MYO1D: variants seen among roughly 807,000 people sequenced by gnomAD.
MYO1D encodes unconventional myosin-Id.
MYO1D carries 83 observed loss-of-function variants against 122.0 expected under a neutral mutation model. The observed-to-expected ratio is 0.68, with a 90% CI of 0.57 to 0.82. The LOEUF (loss-of-function observed/expected upper bound fraction) is 0.82. Among genes scored for constraint, MYO1D ranks in the 40% least tolerant of loss-of-function variants. MYO1D has a pLI of 0.00. For missense variants in MYO1D, 1,157 were observed against 1,269.5 expected (o/e 0.91, Z 1.35); for synonymous variants, 464 against 446.9 (o/e 1.04, Z -0.48).
intron 21 of MYO1D, among the ~76,000 whole-genome samples, chr17:32,527,084 A>G (rs1458942054): frequency 6.6e-6 from 1 of 152,222 alleles, no homozygotes; most frequent in East Asian, 1.9e-4. Context: ...CACTTTTCGT[A>G]AGACCACAGT....
In MYO1D at chr17:32,780,715, C is replaced by T; in HGVS notation, c.165G>A (p.Leu55=). ...VVVSVNPYKL[L]NIYGRDTIEQ... ...CAATTGTGTCTCTTCCATAGATGTT[C>T]AACAACTTGTAAGGGTTCACAGAAA... Residue 55 remains leucine, a synonymous_variant, in exon 2 of 22, where the codon TTG becomes TTA. Coordinates refer to ENST00000318217, the MANE Select transcript of MYO1D (RefSeq NM_015194.3). 1 of 1,614,104 alleles carries T rather than the reference C, an allele frequency of 6.2e-7. No individual in the cohort carries two copies. The highest frequency in any genetic ancestry group is 1.3e-5 in the African/African-American group (1 of 75,002).
chr17:32,694,791 T>C (rs552537829), intron 16 of MYO1D, among the ~76,000 whole-genome samples: 1 of 151,312 alleles, frequency 6.6e-6, no homozygotes, highest in Admixed American at 6.6e-5. Flanking sequence ...TGGTCATCTC[T>C]ACTTGAATGC....
At chr17:32,646,074 G>C (rs1169706756) in intron 19 of MYO1D, among the ~76,000 whole-genome samples, 2 of 152,106 alleles carry the variant, frequency 1.3e-5, no homozygotes, top group Non-Finnish European at 2.9e-5. Context: ...CGTACAGATG[G>C]GGTTTTGGTG....
At position 32,742,320 on chromosome 17, in the gene MYO1D, G is replaced by A. The variant is rs549436073; in HGVS notation, c.1613+2891C>T. On this transcript the variant is annotated intron_variant, in intron 13 of 21. Coordinates refer to ENST00000318217, the MANE Select transcript of MYO1D (RefSeq NM_015194.3). ...GGAATTAATCCCCCATGGATACTTC[G>A]GGACAACTGTATTCCATTCCATGTT... Among the ~76,000 whole-genome samples the A allele has an allele frequency of 9.9e-5, 15 of 152,234 alleles. No individual in the cohort carries two copies. The South Asian group carries it at 1.0e-3, about 11-fold the overall frequency.
chr17:32,528,166 C>T (rs555776905), intron 21 of MYO1D, among the ~76,000 whole-genome samples: 3 of 152,320 alleles, frequency 2.0e-5, no homozygotes, highest in African/African-American at 7.2e-5. Context: ...TAAAATTGGC[C>T]CATTTGGGTT....
At chr17:32,527,955 C>G (rs1164718112) in intron 21 of MYO1D, among the ~76,000 whole-genome samples, 1 of 151,804 alleles carries the variant, frequency 6.6e-6, no homozygotes, top group Non-Finnish European at 1.5e-5. Context: ...TCTCCTGCCT[C>G]AGCCTCCTGA....
chr17:32,819,766 C>A (rs2090644482), intron 1 of MYO1D, among the ~76,000 whole-genome samples: 1 of 152,194 alleles, frequency 6.6e-6, no homozygotes, highest in African/African-American at 2.4e-5. Flanking sequence ...GAGCCAGATA[C>A]TGTTCTAAGG....
chr17:32,686,999 ACACAC>A (rs976741803), intron 16 of MYO1D, among the ~76,000 whole-genome samples: 10 of 142,362 alleles, frequency 7.0e-5, no homozygotes, highest in African/African-American at 2.3e-4. Context: ...ACACACACAC[ACACAC>A]ACCAAAAAAC....
At chr17:32,725,351 T>A (rs2089559312) in intron 14 of MYO1D, among the ~76,000 whole-genome samples, 1 of 152,004 alleles carries the variant, frequency 6.6e-6, no homozygotes, top group African/African-American at 2.4e-5. Flanking sequence ...AAACCCCGTT[T>A]CTACTAAAAA....
At chr17:32,859,512 C>T (rs749056105) in intron 1 of MYO1D, among the ~76,000 whole-genome samples, 19 of 152,196 alleles carry the variant, frequency 1.2e-4, no homozygotes, top group Admixed American at 1.2e-3. Context: ...TGCCCCAACC[C>T]AATGGCTTTA....
At chr17:32,861,749 G>A (rs1346359652) in intron 1 of MYO1D, among the ~76,000 whole-genome samples, 2 of 152,076 alleles carry the variant, frequency 1.3e-5, no homozygotes, top group Admixed American at 6.6e-5. Flanking sequence ...CAGGTGCCAC[G>A]GTTCACACCT....
chr17:32,653,665 C>A (rs1410819298), intron 19 of MYO1D, among the ~76,000 whole-genome samples, 178 bp downstream of exon 19: 1 of 149,192 alleles, frequency 6.7e-6, no homozygotes, highest in Non-Finnish European at 1.5e-5. Context: ...TATAGCCTAA[C>A]TGTAAAGTTG....
At chr17:32,814,765 T>G (rs1226464290) in intron 1 of MYO1D, among the ~76,000 whole-genome samples, 1 of 152,234 alleles carries the variant, frequency 6.6e-6, no homozygotes, top group African/African-American at 2.4e-5. Flanking sequence ...CTCCAAACTT[T>G]CAGTGGCTTT....
At position 32,765,511 on chromosome 17, in the gene MYO1D, G is replaced by C. The variant is rs148041904; in HGVS notation, c.832-430C>G. 2.4e-3 allele frequency among the ~76,000 whole-genome samples: 367 copies of C among 152,208 alleles called. 3 individuals are homozygous for C. In the Middle Eastern group the frequency reaches 0.037, roughly 16 times the overall value. On this transcript the variant is annotated intron_variant, in intron 7 of 21. Coordinates refer to ENST00000318217, the MANE Select transcript of MYO1D (RefSeq NM_015194.3). Reference sequence around the variant, plus strand: ...CTCGCTCTGTCGCCCAGGCTGGAGTGCAAGTGGTGCGATCTTGGCTCACTG... The same window carrying C: ...CTCGCTCTGTCGCCCAGGCTGGAGTCCAAGTGGTGCGATCTTGGCTCACTG...
At chr17:32,629,590 G>A (rs113813958) in intron 20 of MYO1D, among the ~76,000 whole-genome samples, 10 of 152,126 alleles carry the variant, frequency 6.6e-5, no homozygotes, top group Non-Finnish European at 1.3e-4. Context: ...AAAAAAATTA[G>A]CCAGGCGTGG....
intron 20 of MYO1D, among the ~76,000 whole-genome samples, chr17:32,615,338 G>A (rs573966382): frequency 6.6e-6 from 1 of 152,194 alleles, no homozygotes; most frequent in Non-Finnish European, 1.5e-5. Flanking sequence ...CCTTTGTTAA[G>A]GAGAAAATTT....
At chr17:32,643,968 T>C (rs145929345) in intron 19 of MYO1D, among the ~76,000 whole-genome samples, 182 of 152,330 alleles carry the variant, frequency 1.2e-3, no homozygotes, top group African/African-American at 4.3e-3. Context: ...CTTTTGAATA[T>C]GTTTGCTCTT....
intron 1 of MYO1D, among the ~76,000 whole-genome samples, chr17:32,837,616 T>C (rs1598143844): frequency 6.6e-6 from 1 of 152,274 alleles, no homozygotes; most frequent in African/African-American, 2.4e-5. Context: ...CTCACAGAAG[T>C]TGAATTACTG....
intron 21 of MYO1D, 152 bp from the exon 22 acceptor site, chr17:32,495,067 G>A: frequency 1.0e-6 from 1 of 986,888 alleles, no homozygotes; most frequent in East Asian, 2.8e-5. Context: ...AGAGGCCGAG[G>A]CAAGGCGAGT....
Sources: allele counts gnomAD v4.1 joint callset (sites outside exome capture counted in the v4.1 genomes callset), GRCh38; gene constraint gnomAD v4.1.1; transcripts MANE v1.5; gene names NCBI Gene and HGNC (gene_info 2026-07-23, HGNC 2026-07-21).